PRKG1: variants seen among roughly 807,000 people sequenced by gnomAD.
PRKG1 encodes the protein protein kinase cGMP-dependent 1.
Under a neutral mutation model 88.1 loss-of-function variants are expected in PRKG1, and 35 were observed. The ratio of observed to expected loss-of-function variants is 0.40; its 90% CI spans 0.30 to 0.53. PRKG1 has a LOEUF of 0.53. Ranked by LOEUF, PRKG1 falls within the 20% of genes least tolerant of loss-of-function variation. PRKG1 has a pLI of 0.59. For synonymous variants in PRKG1, 303 were observed against 292.5 expected, an observed-to-expected ratio of 1.04 and a Z score of -0.37; for missense variants, 540 against 839.8, an observed-to-expected ratio of 0.64 and a Z score of 4.41.
intron 4 of PRKG1, among the ~76,000 whole-genome samples, chr10:51,874,542 C>T (rs1453943238): frequency 6.6e-6 from 1 of 152,082 alleles, no homozygotes; most frequent in Non-Finnish European, 1.5e-5. Context: ...AATGTTCGTG[C>T]TTTTTTTAAA....
intron 10 of PRKG1, 63 bp from the exon 11 acceptor site, chr10:52,271,287 G>A: frequency 3.3e-6 from 5 of 1,529,654 alleles, no homozygotes; most frequent in Non-Finnish European, 4.5e-6. Context: ...GTTAATTTGG[G>A]GATAATAATG....
At chr10:51,254,328 T>G (rs1839502426) in intron 2 of PRKG1, among the ~76,000 whole-genome samples, 1 of 151,974 alleles carries the variant, frequency 6.6e-6, no homozygotes, top group African/African-American at 2.4e-5. Context: ...TGTATACATT[T>G]TTGCATGTTA....
intron 1 of PRKG1, among the ~76,000 whole-genome samples, chr10:51,090,276 G>T (rs1263296678): frequency 1.1e-4 from 16 of 152,100 alleles, no homozygotes; most frequent in Admixed American, 1.1e-3. Flanking sequence ...CTGTGTACAT[G>T]TCTAAACCAA....
chr10:51,075,867 A>G (rs1292779898), intron 1 of PRKG1, among the ~76,000 whole-genome samples: 1 of 152,230 alleles, frequency 6.6e-6, no homozygotes, highest in African/African-American at 2.4e-5. Context: ...CGACAGGAAC[A>G]TGAGGTTAAC....
At chr10:51,481,629 T>C (rs1840363805) in intron 3 of PRKG1, among the ~76,000 whole-genome samples, 1 of 152,210 alleles carries the variant, frequency 6.6e-6, no homozygotes, top group South Asian at 2.1e-4. Context: ...ATTTGAAATT[T>C]TAAATCCCAA....
chr10:51,975,197 T>C (rs1453297670), intron 5 of PRKG1, among the ~76,000 whole-genome samples: 3 of 152,204 alleles, frequency 2.0e-5, no homozygotes, highest in Admixed American at 1.3e-4. Flanking sequence ...TTAAATAGGT[T>C]CAGAGATACT....
chr10:51,252,191 T>C (rs182271667), intron 2 of PRKG1, among the ~76,000 whole-genome samples: 90 of 151,794 alleles, frequency 5.9e-4, no homozygotes, highest in Admixed American at 2.4e-3. Flanking sequence ...AAAAACAAAG[T>C]CTGGAATCTG....
At chr10:51,257,068 G>A (rs1839580378) in intron 2 of PRKG1, among the ~76,000 whole-genome samples, 1 of 151,882 alleles carries the variant, frequency 6.6e-6, no homozygotes, top group South Asian at 2.1e-4. Flanking sequence ...ATAACTCATT[G>A]GACACAGGGG....
intron 2 of PRKG1, among the ~76,000 whole-genome samples, chr10:51,248,183 C>T (rs1373046861): frequency 1.3e-5 from 2 of 151,732 alleles, no homozygotes; most frequent in Non-Finnish European, 2.9e-5. Flanking sequence ...TCAGGCTGCC[C>T]AGGACAGTTA....
intron 2 of PRKG1, among the ~76,000 whole-genome samples, chr10:51,458,859 A>G (rs1839663859): frequency 6.6e-6 from 1 of 152,172 alleles, no homozygotes; most frequent in Admixed American, 6.6e-5. Flanking sequence ...GAAACTACAG[A>G]AACCCACACA....
intron 4 of PRKG1, among the ~76,000 whole-genome samples, chr10:51,868,359 A>G (rs1401218154): frequency 6.6e-6 from 1 of 152,200 alleles, no homozygotes; most frequent in Non-Finnish European, 1.5e-5. Flanking sequence ...AGGCCTTCTT[A>G]CAAAATGGCT....
intron 9 of PRKG1, among the ~76,000 whole-genome samples, chr10:52,171,616 C>T (rs1380312845): frequency 6.6e-6 from 1 of 151,916 alleles, no homozygotes; most frequent in African/African-American, 2.4e-5. Flanking sequence ...GTTTCTAAGG[C>T]CACCAATGCT....
chr10:52,084,898 G>A (rs1027199373), intron 7 of PRKG1, among the ~76,000 whole-genome samples: 4 of 151,866 alleles, frequency 2.6e-5, no homozygotes, highest in East Asian at 1.9e-4. Context: ...GAAACTATGC[G>A]ACAGCTTTCT....
At chr10:51,698,285 G>C (rs937252250) in intron 3 of PRKG1, 2 of 1,613,896 alleles carry the variant, frequency 1.2e-6, no homozygotes, top group African/African-American at 2.7e-5. Flanking sequence ...AGTTTCCATG[G>C]CACGAGTCTC....
At chr10:51,192,679 T>C (rs1027291245) in intron 2 of PRKG1, among the ~76,000 whole-genome samples, 1 of 151,880 alleles carries the variant, frequency 6.6e-6, no homozygotes, top group African/African-American at 2.4e-5. Context: ...AAAAAGGAAA[T>C]GTTTATTAAC....
chr10:51,478,991 T>A (rs1840278317), intron 3 of PRKG1, among the ~76,000 whole-genome samples: 1 of 152,038 alleles, frequency 6.6e-6, no homozygotes, highest in Admixed American at 6.6e-5. Context: ...GTTTTGGGAC[T>A]CTGTTTAAAT....
chr10:51,864,952 G>C (rs1213232873), intron 4 of PRKG1, among the ~76,000 whole-genome samples: 1 of 151,996 alleles, frequency 6.6e-6, no homozygotes, highest in African/African-American at 2.4e-5. Context: ...AATCAATTAA[G>C]GTGTGCTCTT....
intron 7 of PRKG1, among the ~76,000 whole-genome samples, chr10:52,074,232 T>TG (rs1846575919): frequency 1.3e-5 from 2 of 152,190 alleles, no homozygotes; most frequent in Admixed American, 1.3e-4. Flanking sequence ...TTCTGTGAAA[T>TG]GCAAGGAGAT....
chr10:51,442,252 C>T (rs1458075563), intron 2 of PRKG1, among the ~76,000 whole-genome samples: 1 of 151,858 alleles, frequency 6.6e-6, no homozygotes, highest in Admixed American at 6.6e-5. Flanking sequence ...GTATCTTTGT[C>T]AATTCTAAAA....
Sources: gnomAD v4.1 joint callset for allele counts (sites outside exome capture counted in the v4.1 genomes callset) on GRCh38, gnomAD v4.1.1 for gene constraint, MANE v1.5 for transcripts, NCBI Gene and HGNC (gene_info 2026-07-23, HGNC 2026-07-21) for gene names.